SOX5: variants seen among roughly 807,000 people sequenced by gnomAD.
The protein encoded by SOX5 is transcription factor SOX-5.
A neutral mutation model predicts 92.0 loss-of-function variants in SOX5; 9 were observed. The ratio of observed to expected loss-of-function variants is 0.10; its 90% CI spans 0.06 to 0.17. The LOEUF (loss-of-function observed/expected upper bound fraction) is 0.17. SOX5 is among the 10% of genes least tolerant of loss of function. SOX5 has a pLI of 1.00. For synonymous variants in SOX5, 344 were observed against 336.3 expected, an observed-to-expected ratio of 1.02 and a Z score of -0.25; for missense variants, 642 against 944.5, an observed-to-expected ratio of 0.68 and a Z score of 4.20.
rs912616581 is a variant in SOX5, at chr12:24,038,833, A to G, written c.-1-142809T>C. Among the ~76,000 whole-genome samples, 8 of 152,246 alleles carry G rather than the reference A, an allele frequency of 5.3e-5. 1 individual carries two copies. The highest frequency in any genetic ancestry group is 5.2e-4 in the Admixed American group (8 of 15,274). ...CTGCAATACTTTCATCAATATTTAC[A>G]ATATCTCAGTCCTGTTTACAGATGT... On this transcript the variant is annotated intron_variant, in intron 4 of 4. Transcript: ENST00000446891.
At chr12:23,589,021 T>A (rs1951147935) in intron 9 of SOX5, among the ~76,000 whole-genome samples, 1 of 151,894 alleles carries the variant, frequency 6.6e-6, no homozygotes, top group African/African-American at 2.4e-5. Context: ...TAGGTTTGTA[T>A]AAGTACATGC....
At chr12:24,113,507 C>T (rs983079964) in intron 4 of SOX5, among the ~76,000 whole-genome samples, 3 of 151,982 alleles carry the variant, frequency 2.0e-5, no homozygotes, top group African/African-American at 7.2e-5. Flanking sequence ...TAATCATAAA[C>T]AATATAAAAC....
intron 1 of SOX5, among the ~76,000 whole-genome samples, chr12:24,443,709 C>T (rs1323380741): frequency 6.6e-6 from 1 of 152,170 alleles, no homozygotes; most frequent in African/African-American, 2.4e-5. Context: ...GGCCAAGCTG[C>T]ACAATAATCA....
At chr12:23,806,780 C>T (rs1170575884) in intron 3 of SOX5, among the ~76,000 whole-genome samples, 1 of 149,684 alleles carries the variant, frequency 6.7e-6, no homozygotes, top group Non-Finnish European at 1.5e-5. Flanking sequence ...TACAATGAAA[C>T]ATCTATAAAC....
intron 3 of SOX5, among the ~76,000 whole-genome samples, chr12:23,794,616 C>T (rs1195163701): frequency 6.6e-6 from 1 of 152,050 alleles, no homozygotes; most frequent in Non-Finnish European, 1.5e-5. Flanking sequence ...AACAAAAACG[C>T]AATGTTTACA....
chr12:23,579,825 C>A (rs1400846272), intron 9 of SOX5, among the ~76,000 whole-genome samples: 2 of 151,886 alleles, frequency 1.3e-5, no homozygotes, highest in Non-Finnish European at 2.9e-5. Flanking sequence ...TTTTCAAGGT[C>A]AAAAATAATT....
chr12:24,367,003 T>C (rs1227919524), intron 2 of SOX5, among the ~76,000 whole-genome samples: 2 of 152,160 alleles, frequency 1.3e-5, no homozygotes, highest in African/African-American at 4.8e-5. Context: ...TAGTTAAGTT[T>C]CATTTAATGG....
rs183983635 is a variant in SOX5, at chr12:23,710,778, A to C, written c.810+23906T>G. Among the ~76,000 whole-genome samples the C allele has an allele frequency of 2.6e-5, 4 of 152,270 alleles. No individual in the cohort carries two copies. In the East Asian group the frequency reaches 5.8e-4, roughly 22 times the overall value. On this transcript the variant is annotated intron_variant, in intron 6 of 14. Transcript: ENST00000451604. ...CCCAGTAATGGGATGGCTGGGTCAA[A>C]TGGTATTTCTAGTTCTAGATCCTTG...
At chr12:24,523,692 A>C (rs941976430) in intron 1 of SOX5, among the ~76,000 whole-genome samples, 1 of 152,228 alleles carries the variant, frequency 6.6e-6, no homozygotes, top group Admixed American at 6.5e-5. Context: ...ATTCATAGGC[A>C]AAAGAATGAA....
chr12:24,136,955 C>A (rs1950160542), intron 4 of SOX5, among the ~76,000 whole-genome samples: 1 of 152,150 alleles, frequency 6.6e-6, no homozygotes, highest in Middle Eastern at 3.2e-3. Flanking sequence ...CCTGTTCTCA[C>A]CCAAAATCTC....
intron 1 of SOX5, among the ~76,000 whole-genome samples, chr12:24,532,384 C>T (rs1318422152): frequency 6.6e-6 from 1 of 152,320 alleles, no homozygotes; most frequent in East Asian, 1.9e-4. Context: ...GTGGGGGTCA[C>T]TGAAGAAACA....
At chr12:23,594,888 C>T (rs773501548) in intron 9 of SOX5, among the ~76,000 whole-genome samples, 1 of 152,088 alleles carries the variant, frequency 6.6e-6, no homozygotes, top group Admixed American at 6.5e-5. Flanking sequence ...TTCCTTAGAC[C>T]TTTACAGGTG....
intron 2 of SOX5, among the ~76,000 whole-genome samples, chr12:24,278,882 T>C (rs1944827871): frequency 6.6e-6 from 1 of 151,916 alleles, no homozygotes; most frequent in East Asian, 1.9e-4. Flanking sequence ...CCACTTTTTT[T>C]TTTTTTTTTT....
intron 4 of SOX5, among the ~76,000 whole-genome samples, chr12:24,163,540 TTCTACAA>T (rs1953021983): frequency 6.6e-6 from 1 of 151,630 alleles, no homozygotes; most frequent in Admixed American, 6.6e-5. Context: ...CCGAGCTTTA[TTCTACAA>T]TCTCTGCCTT....
chr12:23,867,096 A>T (rs539539270), intron 2 of SOX5, among the ~76,000 whole-genome samples: 2 of 143,176 alleles, frequency 1.4e-5, no homozygotes, highest in East Asian at 3.9e-4. Flanking sequence ...TTCCTTGGGG[A>T]ATTATATGTT....
intron 1 of SOX5, among the ~76,000 whole-genome samples, chr12:24,513,596 G>A (rs528042145): frequency 1.3e-5 from 2 of 152,188 alleles, no homozygotes; most frequent in South Asian, 2.1e-4. Context: ...TTAATATCGG[G>A]GAACATCGCA....
At chr12:23,785,455 A>C (rs889620271) in intron 3 of SOX5, among the ~76,000 whole-genome samples, 1 of 152,198 alleles carries the variant, frequency 6.6e-6, no homozygotes, top group Admixed American at 6.5e-5. Flanking sequence ...AAAATTAAAT[A>C]AAAAAATTTT....
chr12:23,730,295 T>C (rs1187069399), intron 6 of SOX5, among the ~76,000 whole-genome samples: 1 of 152,194 alleles, frequency 6.6e-6, no homozygotes. Flanking sequence ...TCTATTAATA[T>C]GCATTAAAGT....
chr12:23,990,192 T>A (rs572020740), intron 4 of SOX5, among the ~76,000 whole-genome samples: 1 of 152,296 alleles, frequency 6.6e-6, no homozygotes, highest in South Asian at 2.1e-4. Flanking sequence ...CATTATTCTC[T>A]TACCTAGTCT....
Sources: gnomAD v4.1 joint callset for allele counts (sites outside exome capture counted in the v4.1 genomes callset) on GRCh38, gnomAD v4.1.1 for gene constraint, MANE v1.5 for transcripts, NCBI Gene and HGNC (gene_info 2026-07-23, HGNC 2026-07-21) for gene names.